Variants in MAT1A observed in about 807,000 individuals in gnomAD.
MAT1A encodes methionine adenosyltransferase 1A.
In MAT1A, 19 loss-of-function variants were observed where a neutral mutation model predicts 44.0. The ratio of observed to expected loss-of-function variants is 0.43; its 90% CI spans 0.30 to 0.63. The LOEUF is 0.63. Ranked by LOEUF, MAT1A falls within the 30% of genes least tolerant of loss-of-function variation. The pLI is 0.12. For missense variants in MAT1A, 397 were observed against 531.0 expected, an observed-to-expected ratio of 0.75 and a Z score of 2.48; for synonymous variants, 205 against 205.6, an observed-to-expected ratio of 1.00 and a Z score of 0.03.
chr10:80,273,840 A>T lies in MAT1A; in HGVS notation c.1129T>A (p.Tyr377Asn). ...KKPIYQKTAC[Y>N]GHFGRSEFPW... Reference sequence around the variant, plus strand: ...AACTCGCTTCTTCCGAAATGGCCGTAGCATGCTGTCTTCTGGTAGATGGGC... The same window carrying T: ...AACTCGCTTCTTCCGAAATGGCCGTTGCATGCTGTCTTCTGGTAGATGGGC... Residue 377 changes from tyrosine to asparagine, a missense_variant, in exon 9 of 9, where the codon TAC becomes AAC. Coordinates refer to ENST00000372213, the MANE Select transcript of MAT1A (RefSeq NM_000429.3). 1 of 1,613,820 alleles carries T rather than the reference A, an allele frequency of 6.2e-7. No homozygotes were observed. The highest frequency in any genetic ancestry group is 8.5e-7 in the Non-Finnish European group (1 of 1,179,712).
Position 80,280,183 on chromosome 10 carries a change from G to GCA in MAT1A, c.538_539insTG (p.Ser180LeufsTer6), listed in dbSNP as rs944263459. On this transcript the variant is annotated frameshift_variant, in exon 5 of 9. Transcript: ENST00000372213. LOFTEE classifies it high-confidence loss of function. ...AATTCAGCTGCTCACCTGAGTCTTA[G>GCA]AGTCAGGCCGCAGCCAGGGGAGGAG... 2.5e-6 allele frequency: 4 copies of GCA among 1,614,084 alleles called. No homozygotes were observed. Among genetic ancestry groups the GCA allele is most frequent in the Non-Finnish European group, 3.4e-6 (4 of 1,180,030 alleles).
At chr10:80,286,726 C>A (rs1388656977) in intron 1 of MAT1A, among the ~76,000 whole-genome samples, 1 of 152,234 alleles carries the variant, frequency 6.6e-6, no homozygotes, top group Non-Finnish European at 1.5e-5. Flanking sequence ...AAAGTGATCT[C>A]TATCTACATA....
chr10:80,278,306 A>G (rs998793237), intron 5 of MAT1A, among the ~76,000 whole-genome samples: 1 of 146,482 alleles, frequency 6.8e-6, no homozygotes, highest in Non-Finnish European at 1.5e-5. Context: ...CTTCTATTTC[A>G]TATCTAAGCA....
At chr10:80,280,383 C>T (rs1841549637) in intron 4 of MAT1A, 67 bp from the exon 5 acceptor site, 4 of 1,593,312 alleles carry the variant, frequency 2.5e-6, no homozygotes, top group African/African-American at 2.7e-5. Flanking sequence ...CTCTCCAAGC[C>T]TGAAATCTCC....
At chr10:80,286,179 C>T (rs1056646935) in intron 1 of MAT1A, among the ~76,000 whole-genome samples, 3 of 152,126 alleles carry the variant, frequency 2.0e-5, no homozygotes, top group East Asian at 3.8e-4. Flanking sequence ...AACAAACACA[C>T]ACGCATTCTT....
intron 1 of MAT1A, among the ~76,000 whole-genome samples, chr10:80,288,257 C>T (rs1450960096): frequency 1.3e-5 from 2 of 152,178 alleles, no homozygotes; most frequent in African/African-American, 4.8e-5. Flanking sequence ...ACATCTATCC[C>T]CCAGGGGTCT....
At position 80,275,051 on chromosome 10, in the gene MAT1A, A is replaced by G; in HGVS notation, c.917T>C (p.Val306Ala). The change falls in exon 7 of 9, where the codon GTG (valine) becomes GCG (alanine). Residue 306 changes from valine to alanine, a missense_variant. Coordinates refer to ENST00000372213, the MANE Select transcript of MAT1A (RefSeq NM_000429.3). ...CACTCTCCGGCAGAGCCCTGCTTTCACCAGAGACTTGGCCACCCAGCGGGC... is the reference window on the plus strand; with the variant it reads ...CACTCTCCGGCAGAGCCCTGCTTTCGCCAGAGACTTGGCCACCCAGCGGGC... The part of the protein sequence containing the change: ...YAARWVAKSL[V>A]KAGLCRRVLV... 1 of 1,563,500 alleles carries G rather than the reference A, an allele frequency of 6.4e-7. No homozygotes were observed.
At chr10:80,278,870 A>G (rs1388385544) in intron 5 of MAT1A, among the ~76,000 whole-genome samples, 1 of 152,266 alleles carries the variant, frequency 6.6e-6, no homozygotes, top group Non-Finnish European at 1.5e-5. Flanking sequence ...GCTAGTGGCC[A>G]GGGATGGCAT....
intron 1 of MAT1A, among the ~76,000 whole-genome samples, chr10:80,289,123 A>C (rs1243995966): frequency 3.9e-5 from 6 of 152,232 alleles, no homozygotes; most frequent in African/African-American, 1.4e-4. Flanking sequence ...GAATGTTTTC[A>C]CCACAAAGAA....
chr10:80,275,538 A>C, intron 6 of MAT1A: 1 of 386,568 alleles, frequency 2.6e-6, no homozygotes, highest in Non-Finnish European at 4.9e-6. Flanking sequence ...ACTGTCATAA[A>C]TACAACCCTG....
intron 5 of MAT1A, among the ~76,000 whole-genome samples, chr10:80,279,079 T>A (rs2132704716): frequency 6.6e-6 from 1 of 152,294 alleles, no homozygotes; most frequent in South Asian, 2.1e-4. Flanking sequence ...ATAAGTGGAT[T>A]TCCCCCTTCC....
intron 3 of MAT1A, among the ~76,000 whole-genome samples, chr10:80,282,401 C>T (rs1841578911): frequency 6.6e-6 from 1 of 152,226 alleles, no homozygotes; most frequent in African/African-American, 2.4e-5. Context: ...GGAACCTCAG[C>T]CAGCTGAGCT....
At chr10:80,286,622 G>A (rs907535499) in intron 1 of MAT1A, among the ~76,000 whole-genome samples, 1 of 152,122 alleles carries the variant, frequency 6.6e-6, no homozygotes. Flanking sequence ...GACTCTGCAG[G>A]GTCTAAAATG....
intron 2 of MAT1A, 89 bp downstream of exon 2, chr10:80,285,423 G>T (rs1199606441): frequency 9.5e-7 from 1 of 1,053,930 alleles, no homozygotes; most frequent in Admixed American, 1.7e-5. Context: ...TGGAACTGAG[G>T]AGTATGGCTC....
intron 3 of MAT1A, among the ~76,000 whole-genome samples, chr10:80,281,376 A>C (rs1041060285): frequency 1.3e-5 from 2 of 152,084 alleles, no homozygotes; most frequent in Non-Finnish European, 2.9e-5. Flanking sequence ...TGGAAAAGCC[A>C]CCTGCCCTTT....
intron 3 of MAT1A, among the ~76,000 whole-genome samples, chr10:80,283,282 T>C (rs1841593206): frequency 1.3e-5 from 2 of 152,226 alleles, no homozygotes; most frequent in South Asian, 2.1e-4. Context: ...GTCTCAGATG[T>C]TGGAATCTGC....
At chr10:80,280,415 G>A (rs992078029) in intron 4 of MAT1A, 99 bp from the exon 5 acceptor site, 1 of 1,453,670 alleles carries the variant, frequency 6.9e-7, no homozygotes, top group African/African-American at 1.4e-5. Flanking sequence ...ACGTTGATTG[G>A]GTGCCTCCTC....
rs1439157365 is a variant in MAT1A at position 80,272,448 on chromosome 10, G to A, written c.*1333C>T. The A allele has an allele frequency of 6.6e-6, 1 of 152,364 alleles. No homozygotes were observed. Among genetic ancestry groups the A allele is most frequent in the African/African-American group, 2.4e-5 (1 of 41,430 alleles). 9.4% of individuals were successfully genotyped at this position (152,364 alleles called of 1,614,324 possible). A position where few individuals can be genotyped will look rare whatever the true frequency, so the allele number is the denominator to read the frequency against. On this transcript the variant is annotated 3_prime_UTR_variant, in exon 9 of 9. Coordinates refer to ENST00000372213, the MANE Select transcript of MAT1A (RefSeq NM_000429.3). ...GCTCCCCAGACAGTCACCTGGCAAA[G>A]GCAGAATCTCCTCATGACGTCTCAG...
chr10:80,276,331 A>G lies in MAT1A; in HGVS notation c.768+45T>C, dbSNP rs776430660. 1.9e-6 allele frequency: 3 copies of G among 1,596,128 alleles called. No individual in the cohort carries two copies. The East Asian group carries it at 6.7e-5, about 36-fold the overall frequency. On this transcript the variant is annotated intron_variant, in intron 6 of 8. Coordinates refer to ENST00000372213, the MANE Select transcript of MAT1A (RefSeq NM_000429.3). ...CCTGCTCTGAGACATAAGCAACCCC[A>G]GTAACAAAGACAAACCAGGGCTTCG...
Sources: allele counts gnomAD v4.1 joint callset (sites outside exome capture counted in the v4.1 genomes callset), GRCh38; gene constraint gnomAD v4.1.1; transcripts MANE v1.5; gene names NCBI Gene and HGNC (gene_info 2026-07-23, HGNC 2026-07-21).